Variants in FBXW8 observed in about 807,000 individuals in gnomAD.
The protein encoded by FBXW8 is F-box and WD repeat domain containing 8.
Under a neutral mutation model 65.3 loss-of-function variants are expected in FBXW8, and 57 were observed. The observed-to-expected ratio is 0.87, with a 90% CI of 0.71 to 1.09. The LOEUF is 1.09. Among genes scored for constraint, FBXW8 ranks in the 50% least tolerant of loss-of-function variants. The pLI is 0.00. For synonymous variants in FBXW8, 308 were observed against 330.2 expected (o/e 0.93, Z 0.73); for missense variants, 777 against 814.8 (o/e 0.95, Z 0.57).
At chr12:116,997,833 AG>A (rs1305379004) in intron 7 of FBXW8, among the ~76,000 whole-genome samples, 2 of 151,990 alleles carry the variant, frequency 1.3e-5, no homozygotes, top group Non-Finnish European at 2.9e-5. Flanking sequence ...TGTTTTTTTG[AG>A]AGATGGAATC....
chr12:116,980,219 A>T (rs906255076), intron 5 of FBXW8: 2 of 152,196 alleles, frequency 1.3e-5, no homozygotes, highest in African/African-American at 4.8e-5. Context: ...CAGAGATAAG[A>T]TCTGTGGTGC....
At chr12:117,020,201 C>A (rs548559161) in intron 8 of FBXW8, among the ~76,000 whole-genome samples, 1 of 152,222 alleles carries the variant, frequency 6.6e-6, no homozygotes, top group South Asian at 2.1e-4. Context: ...GTGTCACCTA[C>A]GTCATTCCAG....
At chr12:116,920,773 C>T (rs1182298797) in intron 1 of FBXW8, among the ~76,000 whole-genome samples, 1 of 152,124 alleles carries the variant, frequency 6.6e-6, no homozygotes, top group Non-Finnish European at 1.5e-5. Flanking sequence ...CATTTGTGAC[C>T]AACAGGCCCC....
chr12:116,913,956 T>A (rs1880199158), intron 1 of FBXW8, among the ~76,000 whole-genome samples: 1 of 152,096 alleles, frequency 6.6e-6, no homozygotes, highest in South Asian at 2.1e-4. Flanking sequence ...CATACAACTT[T>A]TGGGGCACCT....
At position 116,988,789 on chromosome 12, in the gene FBXW8, C is replaced by T; in HGVS notation, c.1159C>T (p.Pro387Ser). The change falls in exon 7 of 11, where the codon CCT (proline) becomes TCT (serine). Residue 387 changes from proline (P) to serine (S), a missense_variant. Transcript: ENST00000652555. ...AACCCTCCTTTACGCCCACGGCCCG[C>T]CTGTCACATGTCTAGACGTCTCGGC... ...ARTLLYAHGP[P>S]VTCLDVSANQ... 1 of 1,614,194 alleles carries T rather than the reference C, an allele frequency of 6.2e-7. No individual in the cohort carries two copies. The highest frequency in any genetic ancestry group is 8.5e-7 in the Non-Finnish European group (1 of 1,180,042).
At chr12:117,003,811 A>G (rs929868596) in intron 7 of FBXW8, among the ~76,000 whole-genome samples, 6 of 152,194 alleles carry the variant, frequency 3.9e-5, no homozygotes, top group Admixed American at 6.5e-5. Context: ...TCAGTCTGTC[A>G]TTCTCTTTTA....
chr12:116,935,953 T>C (rs7133090), intron 2 of FBXW8, among the ~76,000 whole-genome samples: 83,110 of 152,110 alleles, frequency 0.55, 26,712 homozygotes, highest in Admixed American at 0.7. Flanking sequence ...TGACTATGTA[T>C]GTGCGAGGTA....
intron 3 of FBXW8, among the ~76,000 whole-genome samples, chr12:116,946,120 C>T (rs757452017): frequency 3.9e-5 from 6 of 152,132 alleles, no homozygotes; most frequent in African/African-American, 7.2e-5. Flanking sequence ...TGAGGCATGA[C>T]GAGACAGCAG....
At chr12:117,012,544 A>C (rs914513220) in intron 8 of FBXW8, among the ~76,000 whole-genome samples, 7 of 152,184 alleles carry the variant, frequency 4.6e-5, no homozygotes, top group African/African-American at 1.4e-4. Context: ...TCTAGAAAAA[A>C]GGAATGAGGA....
At chr12:116,997,113 TAATA>T (rs1211399019) in intron 7 of FBXW8, among the ~76,000 whole-genome samples, 1 of 152,174 alleles carries the variant, frequency 6.6e-6, no homozygotes, top group African/African-American at 2.4e-5. Context: ...TAATAATAAA[TAATA>T]AATACAGTTC....
intron 5 of FBXW8, among the ~76,000 whole-genome samples, chr12:116,967,830 G>A (rs970276422): frequency 1.3e-5 from 2 of 152,120 alleles, no homozygotes; most frequent in African/African-American, 4.8e-5. Context: ...GCAGTGGTGC[G>A]ATCTCGACTC....
chr12:116,927,277 C>T (rs532614243), intron 1 of FBXW8, among the ~76,000 whole-genome samples: 1 of 152,280 alleles, frequency 6.6e-6, no homozygotes, highest in East Asian at 1.9e-4. Context: ...CCCGTTACCT[C>T]ATCTCTAATT....
chr12:117,004,326 C>T (rs1384051808), intron 7 of FBXW8, among the ~76,000 whole-genome samples: 1 of 152,074 alleles, frequency 6.6e-6, no homozygotes, highest in Non-Finnish European at 1.5e-5. Context: ...TTGATCTTGC[C>T]TGGAAGTCTA....
intron 7 of FBXW8, among the ~76,000 whole-genome samples, chr12:116,993,464 T>C (rs1002536560): frequency 2.6e-5 from 4 of 152,234 alleles, no homozygotes; most frequent in Admixed American, 2.6e-4. Flanking sequence ...ATTGTGGTTT[T>C]AATTTGCATT....
intron 7 of FBXW8, among the ~76,000 whole-genome samples, chr12:117,007,815 A>AAG (rs896528469): frequency 2.0e-5 from 3 of 152,108 alleles, no homozygotes; most frequent in Non-Finnish European, 4.4e-5. Flanking sequence ...ACCTTATTAA[A>AAG]AGAGAGAGAG....
intron 7 of FBXW8, among the ~76,000 whole-genome samples, chr12:116,990,255 G>A (rs1036558648): frequency 4.6e-5 from 7 of 152,212 alleles, no homozygotes; most frequent in Non-Finnish European, 1.0e-4. Flanking sequence ...GCCTCCCCTT[G>A]TGCTGCAAAC....
intron 1 of FBXW8, among the ~76,000 whole-genome samples, chr12:116,920,223 G>T (rs181223508): frequency 1.0e-3 from 158 of 152,296 alleles, no homozygotes; most frequent in South Asian, 3.5e-3. Context: ...GAATTAGCAG[G>T]CCTCCACTTA....
intron 5 of FBXW8, chr12:116,978,818 T>C (rs1885119694): frequency 6.6e-6 from 1 of 152,214 alleles, no homozygotes; most frequent in Admixed American, 6.5e-5. Flanking sequence ...TTGTGTTTTT[T>C]TTCCAAAACC....
intron 7 of FBXW8, among the ~76,000 whole-genome samples, chr12:117,000,424 G>A (rs1472001030): frequency 1.3e-5 from 2 of 152,254 alleles, no homozygotes; most frequent in East Asian, 3.8e-4. Flanking sequence ...AGGCAGTATA[G>A]GTAGAGCACA....
Sources: gnomAD v4.1 joint callset for allele counts (sites outside exome capture counted in the v4.1 genomes callset) on GRCh38, gnomAD v4.1.1 for gene constraint, MANE v1.5 for transcripts, NCBI Gene and HGNC (gene_info 2026-07-23, HGNC 2026-07-21) for gene names.